PITPNC1: variants seen among roughly 807,000 people sequenced by gnomAD.
PITPNC1 encodes the protein phosphatidylinositol transfer protein cytoplasmic 1, also known as cytoplasmic phosphatidylinositol transfer protein 1.
PITPNC1 carries 18 observed loss-of-function variants against 44.7 expected under a neutral mutation model. The observed-to-expected ratio is 0.40, with a 90% confidence interval of 0.28 to 0.60. The LOEUF is 0.60. PITPNC1 is among the 20% of genes least tolerant of loss of function. The probability of loss-of-function intolerance (pLI) is 0.39; values close to 1 mark genes in which losing one functional copy is unlikely to be tolerated. For synonymous variants in PITPNC1, 141 were observed against 149.6 expected (o/e 0.94, Z 0.42); for missense variants, 290 against 418.4 (o/e 0.69, Z 2.68).
intron 4 of PITPNC1, among the ~76,000 whole-genome samples, chr17:67,574,355 G>T (rs1040565124): frequency 6.6e-6 from 1 of 152,164 alleles, no homozygotes; most frequent in South Asian, 2.1e-4. Flanking sequence ...AATAAGAAAC[G>T]TAAAGAAATA....
At chr17:67,636,422 G>A (rs1026877933) in intron 6 of PITPNC1, among the ~76,000 whole-genome samples, 2 of 152,138 alleles carry the variant, frequency 1.3e-5, no homozygotes, top group African/African-American at 2.4e-5. Context: ...GCCACCCCTG[G>A]CCCGCCCTGG....
At chr17:67,464,174 C>G (rs910829243) in intron 1 of PITPNC1, among the ~76,000 whole-genome samples, 4 of 150,330 alleles carry the variant, frequency 2.7e-5, no homozygotes, top group African/African-American at 9.9e-5. Flanking sequence ...GCCTGGGCGA[C>G]AGAACGAGAC....
intron 8 of PITPNC1, among the ~76,000 whole-genome samples, chr17:67,684,617 T>C (rs565898467): frequency 4.6e-5 from 7 of 152,314 alleles, no homozygotes; most frequent in African/African-American, 1.7e-4. Context: ...GTTTTCTGAC[T>C]AAATTGATTT....
rs1027940780 is a variant in PITPNC1 at position 67,694,789 on chromosome 17, G to A, written c.*1901G>A. 6.6e-6 allele frequency: 1 copy of A among 151,970 alleles called. No homozygotes were observed. The highest frequency in any genetic ancestry group is 2.4e-5 in the African/African-American group (1 of 41,364). 9.4% of individuals were successfully genotyped at this position (151,970 alleles called of 1,614,324 possible). A position where few individuals can be genotyped will look rare whatever the true frequency, so the allele number is the denominator to read the frequency against. ...AACCTAATATTTTATCAGACCCCTC[G>A]GACTTCTCAATCCCTCCCTCTCCAC... On this transcript the variant is annotated 3_prime_UTR_variant, in exon 9 of 9. Transcript: ENST00000581322.
At chr17:67,504,744 T>C (rs2040079111) in intron 1 of PITPNC1, among the ~76,000 whole-genome samples, 1 of 152,230 alleles carries the variant, frequency 6.6e-6, no homozygotes, top group East Asian at 1.9e-4. Context: ...ATTCTCTAGT[T>C]CATTAGTTAA....
At chr17:67,558,458 T>C (rs1421544643) in intron 4 of PITPNC1, among the ~76,000 whole-genome samples, 3 of 151,912 alleles carry the variant, frequency 2.0e-5, no homozygotes, top group African/African-American at 7.3e-5. Flanking sequence ...ATTTTGTTTT[T>C]CTAGAGCTAA....
chr17:67,534,643 A>G (rs1432137155), intron 2 of PITPNC1, among the ~76,000 whole-genome samples: 1 of 151,920 alleles, frequency 6.6e-6, no homozygotes, highest in East Asian at 1.9e-4. Context: ...TGTCTCAAAA[A>G]AAAAGAAAAG....
chr17:67,546,484 A>C (rs2040685643), intron 2 of PITPNC1, among the ~76,000 whole-genome samples: 1 of 152,076 alleles, frequency 6.6e-6, no homozygotes, highest in Admixed American at 6.5e-5. Context: ...GAACTCATAG[A>C]AACAGAATGT....
chr17:67,501,918 C>T lies in PITPNC1; in HGVS notation c.49-30884C>T, dbSNP rs190028104. 6.0e-4 allele frequency among the ~76,000 whole-genome samples: 92 copies of T among 152,164 alleles called. 2 individuals carry two copies. The highest frequency in any genetic ancestry group is 3.4e-3 in the Middle Eastern group (1 of 294). On this transcript the variant is annotated intron_variant, in intron 1 of 8. Coordinates refer to ENST00000581322, the MANE Select transcript of PITPNC1 (RefSeq NM_012417.4). Reference sequence around the variant, plus strand: ...TCGTCATTTTGGTCTTCTGCTTTGTCGGTGCCTCAGTTTCCTCATCTGTAC... The same window carrying T: ...TCGTCATTTTGGTCTTCTGCTTTGTTGGTGCCTCAGTTTCCTCATCTGTAC...
chr17:67,491,223 G>A (rs899278091), intron 1 of PITPNC1, among the ~76,000 whole-genome samples: 6 of 152,218 alleles, frequency 3.9e-5, no homozygotes, highest in African/African-American at 1.2e-4. Flanking sequence ...GAACGCAGCC[G>A]GCCACTGCAG....
chr17:67,446,195 T>C (rs1034792243), intron 1 of PITPNC1, among the ~76,000 whole-genome samples: 2 of 151,930 alleles, frequency 1.3e-5, no homozygotes, highest in Non-Finnish European at 2.9e-5. Flanking sequence ...TCCACCCGCC[T>C]CGGCCTCCCA....
chr17:67,495,977 A>G (rs1449648989), intron 1 of PITPNC1, among the ~76,000 whole-genome samples: 1 of 152,232 alleles, frequency 6.6e-6, no homozygotes, highest in African/African-American at 2.4e-5. Context: ...AGGAAAGTTC[A>G]TCTGTATTTG....
chr17:67,554,100 TTTC>T (rs955959333), intron 4 of PITPNC1, among the ~76,000 whole-genome samples: 14 of 151,994 alleles, frequency 9.2e-5, no homozygotes, highest in African/African-American at 3.4e-4. Flanking sequence ...CTTGATAAAA[TTTC>T]TTCTTCTCCT....
chr17:67,653,009 C>T (rs762798941), intron 6 of PITPNC1, among the ~76,000 whole-genome samples: 1 of 152,186 alleles, frequency 6.6e-6, no homozygotes, highest in Non-Finnish European at 1.5e-5. Context: ...GAGCTGAGTG[C>T]AGTGGCTCAC....
chr17:67,599,028 A>T (rs1377610290), intron 5 of PITPNC1, among the ~76,000 whole-genome samples: 42 of 32,604 alleles, frequency 1.3e-3, no homozygotes, highest in African/African-American at 5.6e-3. Context: ...ATATATATAT[A>T]TATATATTTT....
intron 1 of PITPNC1, among the ~76,000 whole-genome samples, chr17:67,507,683 CA>C (rs59838492): frequency 0.029 from 2,301 of 79,106 alleles, 19 homozygotes; most frequent in African/African-American, 0.07. Context: ...GACTTGGTCT[CA>C]AAAAAAAAAA....
intron 8 of PITPNC1, 97 bp downstream of exon 8, chr17:67,675,639 C>T (rs1159708117): frequency 1.2e-6 from 1 of 804,728 alleles, no homozygotes; most frequent in Non-Finnish European, 2.2e-6. Flanking sequence ...AGGACAACAA[C>T]AAAGGCAAGG....
At chr17:67,671,793 C>T (rs1225188318) in intron 7 of PITPNC1, among the ~76,000 whole-genome samples, 1 of 152,148 alleles carries the variant, frequency 6.6e-6, no homozygotes, top group East Asian at 1.9e-4. Flanking sequence ...TTGCAGCTCC[C>T]AAAGTAAATG....
intron 6 of PITPNC1, among the ~76,000 whole-genome samples, chr17:67,645,172 C>G (rs966013709): frequency 2.6e-5 from 4 of 151,998 alleles, no homozygotes; most frequent in African/African-American, 9.7e-5. Context: ...GAAACCGCAT[C>G]TCTACTAAAA....
Sources: gnomAD v4.1 joint callset for allele counts (sites outside exome capture counted in the v4.1 genomes callset) on GRCh38, gnomAD v4.1.1 for gene constraint, MANE v1.5 for transcripts, NCBI Gene and HGNC (gene_info 2026-07-23, HGNC 2026-07-21) for gene names.